The following GPC3 variants were observed in gnomAD, a reference collection of about 807,000 sequenced individuals.
GPC3 encodes the protein glypican 3.
In GPC3, 3 loss-of-function variants were observed where a neutral mutation model predicts 34.4. That is an observed-to-expected ratio of 0.09 (90% CI 0.04 to 0.23). The LOEUF (loss-of-function observed/expected upper bound fraction) is 0.23. GPC3 is among the 10% of genes least tolerant of loss of function. The pLI, the probability that GPC3 is intolerant of heterozygous loss-of-function variation, is 1.00. For synonymous variants in GPC3, 177 were observed against 174.0 expected, an observed-to-expected ratio of 1.02 and a Z score of -0.13; for missense variants, 351 against 445.6, an observed-to-expected ratio of 0.79 and a Z score of 1.91.
chrX:133,563,232 G>T (rs1218606603), intron 7 of GPC3, among the ~76,000 whole-genome samples: 1 of 111,696 alleles, frequency 9.0e-6, no homozygotes, highest in East Asian at 2.8e-4. Flanking sequence ...AAAAGAGCTG[G>T]ATTTTGTTTG....
intron 1 of GPC3, among the ~76,000 whole-genome samples, chrX:133,967,312 G>T (rs750816800): frequency 8.9e-6 from 1 of 112,075 alleles, no homozygotes; most frequent in South Asian, 3.8e-4. Flanking sequence ...ATCCAAACAG[G>T]TGATTTGGAG....
chrX:133,790,051 T>G (rs934340662), intron 2 of GPC3, among the ~76,000 whole-genome samples: 3 of 111,494 alleles, frequency 2.7e-5, no homozygotes, highest in African/African-American at 9.8e-5. Flanking sequence ...GCTAGGGTAA[T>G]CAGTGCACAA....
intron 3 of GPC3, among the ~76,000 whole-genome samples, chrX:133,734,535 G>T (rs904763928): frequency 1.9e-5 from 2 of 107,603 alleles, no homozygotes; most frequent in African/African-American, 6.8e-5. Context: ...GGAGGTTCAA[G>T]CCAGAGCAAT....
chrX:133,577,475 A>G (rs2069695483), intron 7 of GPC3, among the ~76,000 whole-genome samples: 1 of 111,964 alleles, frequency 8.9e-6, no homozygotes, highest in African/African-American at 3.2e-5. Context: ...TTCTCTTAAA[A>G]TTCAATACCC....
chrX:133,695,514 T>G (rs2071107698), intron 4 of GPC3, among the ~76,000 whole-genome samples: 1 of 111,556 alleles, frequency 9.0e-6, no homozygotes, highest in African/African-American at 3.3e-5. Flanking sequence ...TTCTCTAGTA[T>G]GGGGAGGGAC....
At chrX:133,603,428 G>A (rs1045439792) in intron 6 of GPC3, among the ~76,000 whole-genome samples, 1 of 111,157 alleles carries the variant, frequency 9.0e-6, no homozygotes, top group Non-Finnish European at 1.9e-5. Flanking sequence ...CTGCTCCAAT[G>A]TTACTCTGCT....
chrX:133,653,684 C>T (rs748205120), intron 6 of GPC3, among the ~76,000 whole-genome samples: 3 of 112,113 alleles, frequency 2.7e-5, no homozygotes, highest in African/African-American at 9.7e-5. Context: ...CTAAGGTATA[C>T]TTGTTAGGCC....
chrX:133,701,071 G>C (rs2071163329), intron 3 of GPC3, among the ~76,000 whole-genome samples: 1 of 110,008 alleles, frequency 9.1e-6, no homozygotes, highest in Non-Finnish European at 1.9e-5. Context: ...AATATTTATT[G>C]GATATCTCTC....
At chrX:133,707,879 G>A (rs949763106) in intron 3 of GPC3, among the ~76,000 whole-genome samples, 1 of 110,903 alleles carries the variant, frequency 9.0e-6, no homozygotes, top group African/African-American at 3.3e-5. Context: ...GATGAGATTT[G>A]TAAATGTATA....
At chrX:133,601,693 A>C (rs865780468) in intron 6 of GPC3, among the ~76,000 whole-genome samples, 2 of 112,038 alleles carry the variant, frequency 1.8e-5, no homozygotes, top group Admixed American at 9.5e-5. Context: ...TTCCTTAGTA[A>C]AGATACTGGG....
At chrX:133,641,907 T>A (rs2070485181) in intron 6 of GPC3, among the ~76,000 whole-genome samples, 1 of 112,376 alleles carries the variant, frequency 8.9e-6, no homozygotes, top group Admixed American at 9.4e-5. Flanking sequence ...GTCTCTGACG[T>A]TGCAAAGCTG....
intron 2 of GPC3, among the ~76,000 whole-genome samples, chrX:133,923,852 C>A (rs2076263585): frequency 8.9e-6 from 1 of 112,320 alleles, no homozygotes; most frequent in Non-Finnish European, 1.9e-5. Flanking sequence ...AGATGACTCT[C>A]GGCTTTGCTT....
At chrX:133,643,895 T>C (rs1480914431) in intron 6 of GPC3, among the ~76,000 whole-genome samples, 5 of 107,348 alleles carry the variant, frequency 4.7e-5, no homozygotes, top group Non-Finnish European at 7.7e-5. Flanking sequence ...TGGCGCGATC[T>C]TGGCTCAGTG....
chrX:133,734,722 C>T (rs1489072032), intron 3 of GPC3, among the ~76,000 whole-genome samples: 3 of 111,215 alleles, frequency 2.7e-5, no homozygotes, highest in African/African-American at 9.8e-5. Flanking sequence ...CTGACAATCT[C>T]TCTCTCTCTC....
chrX:133,878,224 T>C (rs983891567), intron 2 of GPC3, among the ~76,000 whole-genome samples: 1 of 110,680 alleles, frequency 9.0e-6, no homozygotes, highest in Non-Finnish European at 1.9e-5. Context: ...GGTCAGGAGG[T>C]CAAGACCAGC....
At chrX:133,922,962 T>C (rs1271997971) in intron 2 of GPC3, among the ~76,000 whole-genome samples, 1 of 110,798 alleles carries the variant, frequency 9.0e-6, no homozygotes, top group East Asian at 2.9e-4. Flanking sequence ...ACGGGGAACA[T>C]GAAGGTCTAA....
intron 6 of GPC3, among the ~76,000 whole-genome samples, chrX:133,645,980 A>G (rs1366209995): frequency 1.8e-5 from 2 of 110,490 alleles, no homozygotes; most frequent in African/African-American, 6.6e-5. Flanking sequence ...GTGGCAGAGA[A>G]AAAAGTTACA....
At chrX:133,974,579 G>GT (rs202014302) in intron 1 of GPC3, among the ~76,000 whole-genome samples, 194 of 107,568 alleles carry the variant, frequency 1.8e-3, no homozygotes, top group Middle Eastern at 9.5e-3. Flanking sequence ...TCTTTGGCAG[G>GT]TTTTTTTTTT....
At chrX:133,946,400 C>T (rs1389643835) in intron 2 of GPC3, among the ~76,000 whole-genome samples, 1 of 111,708 alleles carries the variant, frequency 9.0e-6, no homozygotes, top group African/African-American at 3.3e-5. Context: ...AATGAAAGTA[C>T]CCACCTCCTA....
Sources: gnomAD v4.1 joint callset for allele counts (sites outside exome capture counted in the v4.1 genomes callset) on GRCh38, gnomAD v4.1.1 for gene constraint, MANE v1.5 for transcripts, NCBI Gene and HGNC (gene_info 2026-07-23, HGNC 2026-07-21) for gene names.